Variants in TGFBR1 observed in about 807,000 individuals in gnomAD.
The protein encoded by TGFBR1 is transforming growth factor beta receptor 1.
In TGFBR1, 20 loss-of-function variants were observed where a neutral mutation model predicts 55.1. That is an observed-to-expected ratio of 0.36 (90% CI 0.26 to 0.53). The LOEUF is 0.53. Ranked by LOEUF, TGFBR1 falls within the 20% of genes least tolerant of loss-of-function variation. The pLI is 0.91. For missense variants in TGFBR1, 385 were observed against 617.6 expected (o/e 0.62, Z 3.99); for synonymous variants, 220 against 214.8 (o/e 1.02, Z -0.21).
rs957789182 is a variant in TGFBR1, at chr9:99,151,618, G to A, written c.*2313G>A. The A allele has an allele frequency of 1.3e-5, 3 of 229,488 alleles. No homozygotes were observed. The highest frequency in any genetic ancestry group is 6.6e-5 in the African/African-American group (3 of 45,120). 14.2% of individuals were successfully genotyped at this position (229,488 alleles called of 1,614,324 possible). ...TATTTTTTATTGAATCAAAGATTGA[G>A]TTACAATTATACTTTTCTTACCTAA... is the stretch of plus-strand genomic sequence containing the variant. On this transcript the variant is annotated 3_prime_UTR_variant, in exon 9 of 9. Coordinates refer to ENST00000374994, the MANE Select transcript of TGFBR1 (RefSeq NM_004612.4).
At chr9:99,126,208 G>T (rs1234382570) in intron 1 of TGFBR1, among the ~76,000 whole-genome samples, 1 of 152,170 alleles carries the variant, frequency 6.6e-6, no homozygotes, top group Non-Finnish European at 1.5e-5. Flanking sequence ...GGTGAGAGGT[G>T]TGTGGCCCTA....
At chr9:99,146,379 T>G in intron 6 of TGFBR1, 106 bp from the exon 7 acceptor site, 1 of 1,276,958 alleles carries the variant, frequency 7.8e-7, no homozygotes, top group South Asian at 1.2e-5. Flanking sequence ...TGTTATGTAA[T>G]ATTGTGTACA....
intron 1 of TGFBR1, among the ~76,000 whole-genome samples, chr9:99,124,789 T>C (rs965292744): frequency 1.3e-5 from 2 of 152,180 alleles, no homozygotes; most frequent in African/African-American, 4.8e-5. Flanking sequence ...TTTTTATTTG[T>C]CTAGTGACCT....
At chr9:99,146,017 G>A (rs1827783812) in intron 6 of TGFBR1, 1 of 226,190 alleles carries the variant, frequency 4.4e-6, no homozygotes, top group African/African-American at 2.4e-5. Context: ...GTTGCTGTAG[G>A]TCTCTGTGGG....
At chr9:99,146,364 A>G (rs1827795483) in intron 6 of TGFBR1, 121 bp from the exon 7 acceptor site, 5 of 1,192,308 alleles carry the variant, frequency 4.2e-6, no homozygotes, top group Non-Finnish European at 6.2e-6. Flanking sequence ...CTTGAGTCTA[A>G]TATTTGTTAT....
chr9:99,121,706 G>A (rs571350213), intron 1 of TGFBR1, among the ~76,000 whole-genome samples: 1 of 152,218 alleles, frequency 6.6e-6, no homozygotes, highest in Non-Finnish European at 1.5e-5. Context: ...TCTTTTACTT[G>A]CCTGTTGGTA....
Position 99,151,990 on chromosome 9 carries a change from T to G in TGFBR1, c.*2685T>G, listed in dbSNP as rs145043837. ...TCATTTTGTCAGTAGCCAGGAGAAA[T>G]GGGGATGGGGGAAATACGACTTAGT... On this transcript the variant is annotated 3_prime_UTR_variant, in exon 9 of 9. Transcript: ENST00000374994. The G allele has an allele frequency of 1.4e-3, 282 of 197,088 alleles. 1 individual carries two copies. The highest frequency in any genetic ancestry group is 2.6e-3 in the Non-Finnish European group (245 of 94,984). The allele number at this position is 197,088 out of a possible 1,614,324, so 12.2% of individuals were successfully genotyped here.
At chr9:99,131,793 A>T (rs1359005535) in intron 2 of TGFBR1, among the ~76,000 whole-genome samples, 4 of 151,984 alleles carry the variant, frequency 2.6e-5, no homozygotes, top group Non-Finnish European at 5.9e-5. Context: ...ACATGGTGAA[A>T]CCCCGTCTCT....
In TGFBR1 at chr9:99,151,795, C is replaced by T. The variant is rs1017220832; in HGVS notation, c.*2490C>T. The T allele has an allele frequency of 1.4e-5, 3 of 216,138 alleles. No homozygotes were observed. Among genetic ancestry groups the T allele is most frequent in the Non-Finnish European group, 2.8e-5 (3 of 107,116 alleles). 13.4% of individuals were successfully genotyped at this position (216,138 alleles called of 1,614,324 possible). A position where few individuals can be genotyped will look rare whatever the true frequency, so the allele number is the denominator to read the frequency against. Reference sequence around the variant, plus strand: ...TGGCTGATATTGAAAATGAAAGAAACTTAAAAGGTGGGATGGATCATGATT... The same window carrying T: ...TGGCTGATATTGAAAATGAAAGAAATTTAAAAGGTGGGATGGATCATGATT... On this transcript the variant is annotated 3_prime_UTR_variant, in exon 9 of 9. Transcript: ENST00000374994.
intron 1 of TGFBR1, among the ~76,000 whole-genome samples, chr9:99,116,770 T>C (rs2118377620): frequency 6.6e-6 from 1 of 152,320 alleles, no homozygotes; most frequent in Admixed American, 6.5e-5. Flanking sequence ...ATGTAGATTT[T>C]GAGGTCTGAA....
intron 6 of TGFBR1, among the ~76,000 whole-genome samples, chr9:99,145,314 G>T (rs1046499107): frequency 2.0e-5 from 3 of 152,012 alleles, no homozygotes; most frequent in African/African-American, 7.3e-5. Flanking sequence ...CTGTCTCCTG[G>T]AGCATACTTT....
At chr9:99,117,574 A>G (rs1826784797) in intron 1 of TGFBR1, among the ~76,000 whole-genome samples, 1 of 152,218 alleles carries the variant, frequency 6.6e-6, no homozygotes, top group African/African-American at 2.4e-5. Flanking sequence ...AAATACGGAT[A>G]TCTGGTTGAC....
chr9:99,119,096 G>C (rs1476654269), intron 1 of TGFBR1, among the ~76,000 whole-genome samples: 2 of 152,146 alleles, frequency 1.3e-5, no homozygotes, highest in Non-Finnish European at 2.9e-5. Context: ...TGTGTTCTGA[G>C]AAAAGGTGTT....
At chr9:99,133,735 G>A (rs1827323616) in intron 3 of TGFBR1, among the ~76,000 whole-genome samples, 1 of 152,138 alleles carries the variant, frequency 6.6e-6, no homozygotes, top group African/African-American at 2.4e-5. Flanking sequence ...CCTTTGAAAA[G>A]TATGAGTCAT....
chr9:99,134,647 A>G (rs1258142733), intron 3 of TGFBR1, among the ~76,000 whole-genome samples: 1 of 151,600 alleles, frequency 6.6e-6, no homozygotes. Flanking sequence ...TACTCCGGAA[A>G]GACACAGCAC....
intron 4 of TGFBR1, among the ~76,000 whole-genome samples, chr9:99,138,963 A>G (rs1827526032): frequency 6.6e-6 from 1 of 151,768 alleles, no homozygotes; most frequent in Non-Finnish European, 1.5e-5. Flanking sequence ...ATGCCCAGCT[A>G]ATGTTTGTAT....
At chr9:99,105,507 TGTGTCCGGGCGCGGGCGGAC>T (rs1237299588) in intron 1 of TGFBR1, among the ~76,000 whole-genome samples, 81 of 149,046 alleles carry the variant, frequency 5.4e-4, no homozygotes, top group Non-Finnish European at 1.0e-4. Flanking sequence ...GGCAGGGGCG[TGTGTCCGGGCGCGGGCGGAC>T]GTGTCCGGCT....
upstream of TGFBR1, among the ~76,000 whole-genome samples, chr9:99,104,915 C>A (rs1280149039): frequency 6.6e-6 from 1 of 151,882 alleles, no homozygotes; most frequent in East Asian, 1.9e-4. Flanking sequence ...GCGGCCCAGC[C>A]CCCGGGGAGC....
At chr9:99,134,960 G>A (rs977239587) in intron 3 of TGFBR1, among the ~76,000 whole-genome samples, 13 of 150,630 alleles carry the variant, frequency 8.6e-5, no homozygotes, top group Non-Finnish European at 1.5e-5. Context: ...TAGCTCTGTG[G>A]CTTTGGGCAG....
Sources: gnomAD v4.1 joint callset for allele counts (sites outside exome capture counted in the v4.1 genomes callset) on GRCh38, gnomAD v4.1.1 for gene constraint, MANE v1.5 for transcripts, NCBI Gene and HGNC (gene_info 2026-07-23, HGNC 2026-07-21) for gene names.